The following CERS3 variants were observed in gnomAD, a reference collection of about 807,000 sequenced individuals.
The protein encoded by CERS3 is LAG1 homolog, ceramide synthase 3.
CERS3 carries 33 observed loss-of-function variants against 50.3 expected under a neutral mutation model. The ratio of observed to expected loss-of-function variants is 0.66; its 90% CI spans 0.50 to 0.88. The LOEUF (loss-of-function observed/expected upper bound fraction) is 0.88, where lower values mean the gene tolerates loss of function less well. CERS3 is among the 40% of genes least tolerant of loss of function. CERS3 has a pLI of 0.00. For missense variants in CERS3, 470 were observed against 460.3 expected (o/e 1.02, Z -0.19); for synonymous variants, 176 against 155.2 (o/e 1.13, Z -0.99).
upstream of CERS3, among the ~76,000 whole-genome samples, chr15:100,530,333 G>C (rs372019853): frequency 1.9e-4 from 29 of 152,180 alleles, no homozygotes; most frequent in African/African-American, 6.0e-4. Context: ...ATCAAGACCA[G>C]ACTCCTTGGC....
chr15:100,427,509 C>T (rs1188280621), intron 11 of CERS3, among the ~76,000 whole-genome samples: 3 of 152,158 alleles, frequency 2.0e-5, no homozygotes, highest in African/African-American at 4.8e-5. Flanking sequence ...TATGCTGAGA[C>T]ATTAATCCTC....
intron 11 of CERS3, among the ~76,000 whole-genome samples, chr15:100,427,561 G>T (rs2032889489): frequency 6.6e-6 from 1 of 152,182 alleles, no homozygotes; most frequent in Non-Finnish European, 1.5e-5. Flanking sequence ...AGCTACCAGA[G>T]CCCCAGGTGC....
chr15:100,447,956 A>G (rs2034004122), intron 11 of CERS3, among the ~76,000 whole-genome samples: 2 of 152,250 alleles, frequency 1.3e-5, no homozygotes, highest in Non-Finnish European at 2.9e-5. Flanking sequence ...GTTTGAATCA[A>G]TAGTCTAATC....
chr15:100,455,853 G>A (rs1488411117), intron 11 of CERS3, 40 bp downstream of exon 11: 2 of 1,415,500 alleles, frequency 1.4e-6, no homozygotes, highest in African/African-American at 1.5e-5. Flanking sequence ...CATTAACCTG[G>A]CAATGACATT....
chr15:100,484,039 C>G (rs2035411122), intron 5 of CERS3, among the ~76,000 whole-genome samples: 1 of 151,794 alleles, frequency 6.6e-6, no homozygotes, highest in African/African-American at 2.4e-5. Flanking sequence ...AGAGGATGGG[C>G]TGTGCACCCT....
chr15:100,535,298 C>A (rs1214898043), intron 1 of CERS3, among the ~76,000 whole-genome samples: 2 of 152,110 alleles, frequency 1.3e-5, no homozygotes, highest in African/African-American at 2.4e-5. Context: ...GTAAAGTTTC[C>A]AAGTTGCAGG....
intron 11 of CERS3, among the ~76,000 whole-genome samples, chr15:100,429,487 C>T (rs773183699): frequency 5.3e-4 from 80 of 152,236 alleles, no homozygotes; most frequent in Admixed American, 9.1e-4. Context: ...TAGCAGAAGA[C>T]GCACACCCCT....
In CERS3 at chr15:100,489,580, T is replaced by TTGG. The variant is rs1176521289; in HGVS notation, c.288+1236_288+1237insCCA. Among the ~76,000 whole-genome samples the TTGG allele has an allele frequency of 5.5e-3, 841 of 152,318 alleles. 8 individuals are homozygous for TTGG. Among genetic ancestry groups the TTGG allele is most frequent in the African/African-American group, 0.019 (785 of 41,576 alleles). Reference sequence around the variant, plus strand: ...TATACAAAGTATTACTAAAGTTAGTTGTTCCCAAACAAAGAAGGATAATAA... The same window carrying TTGG: ...TATACAAAGTATTACTAAAGTTAGTTTGGGTTCCCAAACAAAGAAGGATAATAA... On this transcript the variant is annotated intron_variant, in intron 4 of 11. Coordinates refer to ENST00000679737, the MANE Select transcript of CERS3 (RefSeq NM_001378789.1).
rs971104228 is a variant in CERS3, at chr15:100,444,169, A to G, written c.999+11724T>C. 3.9e-5 allele frequency among the ~76,000 whole-genome samples: 6 copies of G among 152,304 alleles called. No homozygotes were observed. In the South Asian group the frequency reaches 1.2e-3, roughly 32 times the overall value. ...CCGTGCAGTGGCTGCTGCTGCCTTAATACTTTTAGAAGCCCTTAAAATCAC... is the reference window on the plus strand; with the variant it reads ...CCGTGCAGTGGCTGCTGCTGCCTTAGTACTTTTAGAAGCCCTTAAAATCAC... On this transcript the variant is annotated intron_variant, in intron 11 of 11. Transcript: ENST00000679737.
chr15:100,439,896 G>A (rs1249113686), intron 11 of CERS3, among the ~76,000 whole-genome samples: 4 of 152,206 alleles, frequency 2.6e-5, no homozygotes, highest in Non-Finnish European at 5.9e-5. Flanking sequence ...GACAACATGA[G>A]AAATCAGGAA....
chr15:100,435,548 A>G (rs2033359077), intron 11 of CERS3, among the ~76,000 whole-genome samples: 1 of 152,242 alleles, frequency 6.6e-6, no homozygotes, highest in South Asian at 2.1e-4. Context: ...AATACCATTC[A>G]GGACATAGGC....
intron 4 of CERS3, among the ~76,000 whole-genome samples, chr15:100,488,871 G>A (rs555975874): frequency 4.2e-4 from 64 of 151,232 alleles, no homozygotes; most frequent in Non-Finnish European, 8.1e-4. Flanking sequence ...CCAACTCCCT[G>A]GTTCAAGCTG....
intron 1 of CERS3, among the ~76,000 whole-genome samples, chr15:100,535,649 G>T (rs2037053946): frequency 6.6e-6 from 1 of 151,730 alleles, no homozygotes; most frequent in East Asian, 1.9e-4. Flanking sequence ...ATGTGCACGG[G>T]AAGTGGGGAT....
At chr15:100,415,121 C>A (rs896188267) in intron 11 of CERS3, among the ~76,000 whole-genome samples, 7 of 152,124 alleles carry the variant, frequency 4.6e-5, no homozygotes, top group African/African-American at 1.7e-4. Flanking sequence ...AGGATATGAA[C>A]AGACACTTCT....
intron 11 of CERS3, among the ~76,000 whole-genome samples, chr15:100,407,425 C>A (rs909186114): frequency 3.3e-5 from 5 of 152,262 alleles, no homozygotes; most frequent in Non-Finnish European, 7.3e-5. Flanking sequence ...GCTAGGGATG[C>A]TGGCAGTCCT....
At chr15:100,483,851 G>T (rs991189603) in intron 5 of CERS3, among the ~76,000 whole-genome samples, 17 of 143,718 alleles carry the variant, frequency 1.2e-4, no homozygotes, top group Non-Finnish European at 2.1e-4. Context: ...CGGGATCTCG[G>T]CTCACTGCAA....
intron 11 of CERS3, among the ~76,000 whole-genome samples, chr15:100,410,524 G>A (rs2031400949): frequency 6.6e-6 from 1 of 152,168 alleles, no homozygotes; most frequent in African/African-American, 2.4e-5. Context: ...CCTTTGAAGG[G>A]TGTGTTCTAG....
chr15:100,418,605 G>A (rs2032153240), intron 11 of CERS3, among the ~76,000 whole-genome samples: 1 of 141,888 alleles, frequency 7.0e-6, no homozygotes, highest in Non-Finnish European at 1.5e-5. Flanking sequence ...TCCTCGAGAA[G>A]AGCAACTCCA....
At chr15:100,431,268 C>T (rs2033117644) in intron 11 of CERS3, among the ~76,000 whole-genome samples, 1 of 152,106 alleles carries the variant, frequency 6.6e-6, no homozygotes, top group Non-Finnish European at 1.5e-5. Flanking sequence ...CTTTTCAGTC[C>T]AGAAAGGCAA....
Sources: gnomAD v4.1 joint callset for allele counts (sites outside exome capture counted in the v4.1 genomes callset) on GRCh38, gnomAD v4.1.1 for gene constraint, MANE v1.5 for transcripts, NCBI Gene and HGNC (gene_info 2026-07-23, HGNC 2026-07-21) for gene names.